The following LRBA variants were observed in gnomAD, a reference collection of about 807,000 sequenced individuals.
LRBA encodes the protein lipopolysaccharide-responsive and beige-like anchor protein.
Under a neutral mutation model 330.0 loss-of-function variants are expected in LRBA, and 176 were observed. The observed-to-expected ratio is 0.53, with a 90% CI of 0.47 to 0.60. The LOEUF is 0.60. Ranked by LOEUF, LRBA falls within the 20% of genes least tolerant of loss-of-function variation. LRBA has a pLI of 0.00. For synonymous variants in LRBA, 1,230 were observed against 1,193.0 expected (o/e 1.03, Z -0.64); for missense variants, 3,259 against 3,444.8 (o/e 0.95, Z 1.35).
chr4:150,491,185 G>A, intron 40 of LRBA, 150 bp from the exon 41 acceptor site: 2 of 405,620 alleles, frequency 4.9e-6, no homozygotes, highest in Non-Finnish European at 8.8e-6. Flanking sequence ...TGGAGATGAA[G>A]AAAATAAATT....
At chr4:150,647,514 A>T (rs1008794914) in intron 37 of LRBA, among the ~76,000 whole-genome samples, 6 of 150,746 alleles carry the variant, frequency 4.0e-5, no homozygotes, top group Admixed American at 2.1e-4. Flanking sequence ...GCATACCAAC[A>T]CACCTAGTAG....
intron 2 of LRBA, among the ~76,000 whole-genome samples, chr4:151,012,495 G>T (rs1278305120): frequency 6.6e-6 from 1 of 152,118 alleles, no homozygotes; most frequent in Non-Finnish European, 1.5e-5. Flanking sequence ...AATCAGAAAG[G>T]AAATGTTTCA....
chr4:150,565,993 G>A (rs1504784), intron 40 of LRBA, among the ~76,000 whole-genome samples: 2 of 151,444 alleles, frequency 1.3e-5, no homozygotes, highest in South Asian at 4.2e-4. Flanking sequence ...CTGGGGAAGC[G>A]AAGATAAGAG....
At chr4:150,912,871 CT>C (rs1354858350) in intron 9 of LRBA, among the ~76,000 whole-genome samples, 2 of 152,124 alleles carry the variant, frequency 1.3e-5, no homozygotes, top group Non-Finnish European at 2.9e-5. Flanking sequence ...ACTGAGGTCA[CT>C]GAATCTCGTA....
chr4:150,529,721 CA>C (rs201900862), intron 40 of LRBA, among the ~76,000 whole-genome samples: 26 of 116,906 alleles, frequency 2.2e-4, no homozygotes, highest in South Asian at 1.4e-3. Context: ...GACTCCATCT[CA>C]AAAAAAAAAA....
chr4:150,438,299 T>C (rs1283739103), intron 44 of LRBA, among the ~76,000 whole-genome samples: 1 of 152,082 alleles, frequency 6.6e-6, no homozygotes, highest in Non-Finnish European at 1.5e-5. Flanking sequence ...CTGTGCAACA[T>C]AGTGAGACCC....
At chr4:150,643,363 C>T (rs1012541164) in intron 37 of LRBA, among the ~76,000 whole-genome samples, 10 of 151,754 alleles carry the variant, frequency 6.6e-5, no homozygotes, top group East Asian at 3.9e-4. Context: ...GAAAAAATAA[C>T]TTTACCATGT....
At chr4:150,768,861 T>A (rs1736138309) in intron 34 of LRBA, among the ~76,000 whole-genome samples, 1 of 150,584 alleles carries the variant, frequency 6.6e-6, no homozygotes, top group African/African-American at 2.4e-5. Flanking sequence ...TAATTAAATA[T>A]CATAGGAAAA....
chr4:150,869,641 C>A (rs1753186582), intron 20 of LRBA, among the ~76,000 whole-genome samples: 1 of 152,094 alleles, frequency 6.6e-6, no homozygotes. Flanking sequence ...TGGCTGAGAT[C>A]CTGGCACTCT....
intron 47 of LRBA, among the ~76,000 whole-genome samples, chr4:150,380,537 A>G (rs1742051465): frequency 2.0e-5 from 3 of 152,076 alleles, no homozygotes; most frequent in African/African-American, 7.2e-5. Flanking sequence ...TTAAACAAAC[A>G]CTGGAACACT....
intron 47 of LRBA, among the ~76,000 whole-genome samples, chr4:150,358,905 T>G (rs1738268796): frequency 6.6e-6 from 1 of 152,214 alleles, no homozygotes; most frequent in Non-Finnish European, 1.5e-5. Flanking sequence ...AGATGTAGTT[T>G]AATCCCATGA....
In LRBA at chr4:150,905,951, A is replaced by C; in HGVS notation, c.1642T>G (p.Cys548Gly). The C allele has an allele frequency of 6.2e-7, 1 of 1,613,764 alleles. No homozygotes were observed. Among genetic ancestry groups the C allele is most frequent in the Non-Finnish European group, 8.5e-7 (1 of 1,179,760 alleles). The change falls in exon 13 of 57, where the codon TGC (cysteine) becomes GGC (glycine). Residue 548 changes from cysteine to glycine, a missense_variant. Coordinates refer to ENST00000651943, the MANE Select transcript of LRBA (RefSeq NM_001364905.1). ...CTCAGATATTTTGAAAATGCAAGGC[A>C]AAGTTCAAGTACTGCTCTGCTAACA... ...SHVSRAVLEL[C>G]LAFSKYLSNL...
intron 36 of LRBA, among the ~76,000 whole-genome samples, chr4:150,726,156 C>G (rs1194658323): frequency 6.6e-6 from 1 of 152,092 alleles, no homozygotes; most frequent in African/African-American, 2.4e-5. Context: ...TCAATAATAA[C>G]ATTAAATGTA....
chr4:150,688,959 G>C (rs1006877130), intron 36 of LRBA, among the ~76,000 whole-genome samples: 8 of 152,156 alleles, frequency 5.3e-5, no homozygotes, highest in Admixed American at 1.3e-4. Context: ...CCATTACTGG[G>C]TATACACCCA....
At chr4:150,561,771 A>G (rs1043456371) in intron 40 of LRBA, among the ~76,000 whole-genome samples, 1 of 152,148 alleles carries the variant, frequency 6.6e-6, no homozygotes, top group Admixed American at 6.6e-5. Flanking sequence ...ACAGAAAATT[A>G]ATATATATTC....
intron 40 of LRBA, among the ~76,000 whole-genome samples, chr4:150,578,925 C>T (rs1306202443): frequency 2.0e-5 from 3 of 152,222 alleles, no homozygotes. Context: ...CTAAGCCAAA[C>T]AAACAAGATG....
At chr4:150,425,215 G>A (rs1449249912) in intron 46 of LRBA, among the ~76,000 whole-genome samples, 1 of 152,204 alleles carries the variant, frequency 6.6e-6, no homozygotes, top group East Asian at 1.9e-4. Context: ...TTTACAAAGT[G>A]AAGTATGTTT....
chr4:150,290,112 CAA>C (rs1190847040), intron 53 of LRBA, among the ~76,000 whole-genome samples: 2 of 152,146 alleles, frequency 1.3e-5, no homozygotes, highest in African/African-American at 4.8e-5. Flanking sequence ...AGCCTAGAAA[CAA>C]AATCTTGGAA....
intron 22 of LRBA, among the ~76,000 whole-genome samples, chr4:150,857,665 T>C (rs1209662319): frequency 6.6e-6 from 1 of 152,178 alleles, no homozygotes; most frequent in Non-Finnish European, 1.5e-5. Flanking sequence ...CATTGGTCAA[T>C]GATAAGGAAC....
Sources: gnomAD v4.1 joint callset for allele counts (sites outside exome capture counted in the v4.1 genomes callset) on GRCh38, gnomAD v4.1.1 for gene constraint, MANE v1.5 for transcripts, NCBI Gene and HGNC (gene_info 2026-07-23, HGNC 2026-07-21) for gene names.